Variants in WDR70 observed in about 807,000 individuals in gnomAD.
The protein encoded by WDR70 is WD repeat-containing protein 70.
Under a neutral mutation model 88.6 loss-of-function variants are expected in WDR70, and 53 were observed. The observed-to-expected ratio is 0.60, with a 90% CI of 0.48 to 0.75. The LOEUF is 0.75. Ranked by LOEUF, WDR70 falls within the 30% of genes least tolerant of loss-of-function variation. The probability of loss-of-function intolerance (pLI) is 0.00; values close to 1 mark genes in which losing one functional copy is unlikely to be tolerated. For missense variants in WDR70, 610 were observed against 823.2 expected, an observed-to-expected ratio of 0.74 and a Z score of 3.17; for synonymous variants, 280 against 270.0, an observed-to-expected ratio of 1.04 and a Z score of -0.36.
At chr5:37,394,285 CAAAAAAA>C (rs199867827) in intron 4 of WDR70, among the ~76,000 whole-genome samples, 28 of 95,836 alleles carry the variant, frequency 2.9e-4, no homozygotes, top group Non-Finnish European at 3.2e-4. Flanking sequence ...GACTCTGTCT[CAAAAAAA>C]AAAAAAAAAA....
intron 17 of WDR70, among the ~76,000 whole-genome samples, chr5:37,740,893 G>C (rs2112730429): frequency 6.6e-6 from 1 of 152,288 alleles, no homozygotes; most frequent in African/African-American, 2.4e-5. Context: ...GCTCTCAAGA[G>C]GTACTGCTCA....
At chr5:37,422,652 AT>A (rs1749981419) in intron 5 of WDR70, among the ~76,000 whole-genome samples, 1 of 151,638 alleles carries the variant, frequency 6.6e-6, no homozygotes, top group South Asian at 2.1e-4. Context: ...TAATTTTTGT[AT>A]TTTTAGTAGA....
At chr5:37,723,304 G>A in intron 15 of WDR70, 1 of 208,818 alleles carries the variant, frequency 4.8e-6, no homozygotes, top group Middle Eastern at 1.9e-3. Flanking sequence ...GCAATGTGAT[G>A]TTGAACAACT....
intron 10 of WDR70, among the ~76,000 whole-genome samples, chr5:37,625,244 T>G (rs981577876): frequency 1.3e-5 from 2 of 152,168 alleles, no homozygotes; most frequent in Admixed American, 6.5e-5. Flanking sequence ...CATTTGTAGT[T>G]TTTTGAGGAA....
chr5:37,565,674 A>C (rs55758014), intron 9 of WDR70, among the ~76,000 whole-genome samples: 87,297 of 151,900 alleles, frequency 0.57, 27,141 homozygotes, highest in Non-Finnish European at 0.69. Context: ...TATGTAGTCC[A>C]CTGGAATTTA....
chr5:37,720,488 A>G (rs4582305), intron 13 of WDR70, among the ~76,000 whole-genome samples: 36,558 of 152,150 alleles, frequency 0.24, 5,093 homozygotes, highest in Admixed American at 0.38. Flanking sequence ...TAATGAATTC[A>G]TAGGATCATA....
At chr5:37,415,415 C>A (rs1385026057) in intron 5 of WDR70, among the ~76,000 whole-genome samples, 1 of 73,378 alleles carries the variant, frequency 1.4e-5, no homozygotes, top group African/African-American at 3.3e-5. Flanking sequence ...GGGGGGCTGA[C>A]CCCCCCACCT....
Position 37,752,629 on chromosome 5 carries a change from G to T in WDR70, c.*56G>T. 10 of 1,132,686 alleles carry T rather than the reference G, an allele frequency of 8.8e-6. No homozygotes were observed. The highest frequency in any genetic ancestry group is 2.9e-5 in the East Asian group (1 of 34,330). The allele number at this position is 1,132,686 out of a possible 1,614,324, so 70.2% of individuals were successfully genotyped here. A position where few individuals can be genotyped will look rare whatever the true frequency, so the allele number is the denominator to read the frequency against. ...TGGGAGGGGTATGGGACAGGTTTGG[G>T]TTTTTTTTTTATGCTCATGAAATTA... On this transcript the variant is annotated 3_prime_UTR_variant, in exon 18 of 18. Coordinates refer to ENST00000265107, the MANE Select transcript of WDR70 (RefSeq NM_018034.4).
At chr5:37,661,844 T>C (rs1257158015) in intron 10 of WDR70, among the ~76,000 whole-genome samples, 1 of 152,182 alleles carries the variant, frequency 6.6e-6, no homozygotes, top group African/African-American at 2.4e-5. Context: ...TTAATAGTGA[T>C]TTTATCCCCA....
chr5:37,484,239 C>T (rs965862640), intron 8 of WDR70, among the ~76,000 whole-genome samples: 6 of 152,194 alleles, frequency 3.9e-5, no homozygotes, highest in African/African-American at 7.2e-5. Context: ...GCCGAGATCA[C>T]GCCACTGCAC....
chr5:37,565,283 T>C (rs1742704008), intron 9 of WDR70, among the ~76,000 whole-genome samples: 1 of 152,172 alleles, frequency 6.6e-6, no homozygotes, highest in South Asian at 2.1e-4. Context: ...AATTCAGAGA[T>C]ATTCTTCTGG....
At chr5:37,648,313 C>T (rs1290881486) in intron 10 of WDR70, among the ~76,000 whole-genome samples, 1 of 152,002 alleles carries the variant, frequency 6.6e-6, no homozygotes, top group East Asian at 1.9e-4. Context: ...GTTCTATCTC[C>T]AGGTCTAAGC....
intron 17 of WDR70, among the ~76,000 whole-genome samples, chr5:37,750,569 C>T (rs1350205053): frequency 6.6e-6 from 1 of 152,088 alleles, no homozygotes; most frequent in Non-Finnish European, 1.5e-5. Context: ...TGTGTCCCCA[C>T]CCAAATCTCA....
chr5:37,482,782 G>A (rs1739713350), intron 8 of WDR70, among the ~76,000 whole-genome samples: 1 of 152,176 alleles, frequency 6.6e-6, no homozygotes, highest in East Asian at 1.9e-4. Flanking sequence ...CATTATATGG[G>A]TGAATGGCAA....
chr5:37,721,608 C>G, intron 14 of WDR70: 1 of 175,832 alleles, frequency 5.7e-6, no homozygotes, highest in Non-Finnish European at 1.2e-5. Context: ...TTGCTTCTTT[C>G]TTTTTTGGCT....
At chr5:37,655,392 C>A (rs145146329) in intron 10 of WDR70, among the ~76,000 whole-genome samples, 2 of 152,062 alleles carry the variant, frequency 1.3e-5, no homozygotes, top group African/African-American at 4.8e-5. Context: ...TTCATTTCAA[C>A]CTTGGTGAAT....
In WDR70 at chr5:37,449,606, AAAAATAAAAAATAAAT is replaced by A. The variant is rs1561856881; in HGVS notation, c.686+6238_686+6253del. 4.7e-3 allele frequency among the ~76,000 whole-genome samples: 229 copies of A among 49,166 alleles called. 4 individuals are homozygous for A. The highest frequency in any genetic ancestry group is 0.012 in the African/African-American group (226 of 19,330). 32.3% of individuals were successfully genotyped at this position (49,166 alleles called of 152,430 possible). A position where few individuals can be genotyped will look rare whatever the true frequency, so the allele number is the denominator to read the frequency against. ...ATTTTGTCTCAAAAAAAAAAAAATA[AAAAATAAAAAATAAAT>A]AAATAAATAAATAAAATCAAATGCT... On this transcript the variant is annotated intron_variant, in intron 7 of 17. Coordinates refer to ENST00000265107, the MANE Select transcript of WDR70 (RefSeq NM_018034.4).
At chr5:37,503,751 G>T (rs930544338) in intron 8 of WDR70, among the ~76,000 whole-genome samples, 6 of 91,146 alleles carry the variant, frequency 6.6e-5, no homozygotes, top group South Asian at 8.8e-4. Flanking sequence ...CCTGAGTTTT[G>T]TTTTTTTTTT....
intron 8 of WDR70, among the ~76,000 whole-genome samples, chr5:37,489,696 C>T (rs983428962): frequency 6.6e-6 from 1 of 151,888 alleles, no homozygotes; most frequent in African/African-American, 2.4e-5. Context: ...CAATCCTAGG[C>T]TATATGGTAG....
Sources: gnomAD v4.1 joint callset for allele counts (sites outside exome capture counted in the v4.1 genomes callset) on GRCh38, gnomAD v4.1.1 for gene constraint, MANE v1.5 for transcripts, NCBI Gene and HGNC (gene_info 2026-07-23, HGNC 2026-07-21) for gene names.